Variants in ST6GALNAC3 observed in about 807,000 individuals in gnomAD.
ST6GALNAC3 encodes the protein alpha-N-acetylgalactosaminide alpha-2,6-sialyltransferase 3.
ST6GALNAC3 carries 25 observed loss-of-function variants against 32.7 expected under a neutral mutation model. That is an observed-to-expected ratio of 0.76 (90% CI 0.56 to 1.07). The LOEUF (loss-of-function observed/expected upper bound fraction) is 1.07. Among genes scored for constraint, ST6GALNAC3 ranks in the 50% least tolerant of loss-of-function variants. ST6GALNAC3 has a pLI of 0.00. For synonymous variants in ST6GALNAC3, 129 were observed against 133.1 expected, an observed-to-expected ratio of 0.97 and a Z score of 0.21; for missense variants, 355 against 382.4, an observed-to-expected ratio of 0.93 and a Z score of 0.60.
intron 1 of ST6GALNAC3, among the ~76,000 whole-genome samples, chr1:76,156,857 A>T (rs945280839): frequency 6.6e-6 from 1 of 152,038 alleles, no homozygotes; most frequent in Non-Finnish European, 1.5e-5. Flanking sequence ...TCAGCCTCCC[A>T]AGTAGCTGGG....
chr1:76,247,641 A>G (rs1657348062), intron 1 of ST6GALNAC3, among the ~76,000 whole-genome samples: 1 of 152,142 alleles, frequency 6.6e-6, no homozygotes, highest in African/African-American at 2.4e-5. Flanking sequence ...ACAGCCCACT[A>G]AAGCCTCAGT....
chr1:76,447,479 A>G lies in ST6GALNAC3; in HGVS notation c.623+35062A>G, dbSNP rs374391012. On this transcript the variant is annotated intron_variant, in intron 3 of 4. Transcript: ENST00000328299. ...AAATTGAAGCCCTGCAGAAATTTGCATAAGTAACAAGGAGCTGAATGTTAA... is the reference window on the plus strand; with the variant it reads ...AAATTGAAGCCCTGCAGAAATTTGCGTAAGTAACAAGGAGCTGAATGTTAA... Among the ~76,000 whole-genome samples the G allele has an allele frequency of 8.4e-4, 128 of 152,302 alleles. 1 individual carries two copies. Among genetic ancestry groups the G allele is most frequent in the African/African-American group, 2.9e-3 (122 of 41,568 alleles).
intron 1 of ST6GALNAC3, among the ~76,000 whole-genome samples, chr1:76,262,603 G>A (rs1434469169): frequency 6.6e-6 from 1 of 152,176 alleles, no homozygotes; most frequent in Non-Finnish European, 1.5e-5. Context: ...TGTAGTGAAA[G>A]CTGGAATGGA....
At chr1:76,192,176 A>T (rs1313025105) in intron 1 of ST6GALNAC3, among the ~76,000 whole-genome samples, 3 of 152,328 alleles carry the variant, frequency 2.0e-5, no homozygotes, top group African/African-American at 7.2e-5. Context: ...CTGATATAAA[A>T]TGTGGGACTG....
chr1:76,405,076 G>A (rs1243588430), intron 2 of ST6GALNAC3, among the ~76,000 whole-genome samples: 2 of 152,068 alleles, frequency 1.3e-5, no homozygotes, highest in Non-Finnish European at 2.9e-5. Flanking sequence ...CCAATGTTGT[G>A]TTTCAAATCT....
At chr1:76,374,082 A>C (rs1330249217) in intron 2 of ST6GALNAC3, among the ~76,000 whole-genome samples, 1 of 152,212 alleles carries the variant, frequency 6.6e-6, no homozygotes, top group Admixed American at 6.5e-5. Flanking sequence ...GAAAGCTCAC[A>C]CATTTTGCAG....
chr1:76,261,502 C>T (rs1658233456), intron 1 of ST6GALNAC3, among the ~76,000 whole-genome samples: 1 of 152,228 alleles, frequency 6.6e-6, no homozygotes, highest in African/African-American at 2.4e-5. Flanking sequence ...CCATTCTGGT[C>T]CAAGTCCTGT....
chr1:76,571,208 A>G (rs1665838633), intron 3 of ST6GALNAC3, among the ~76,000 whole-genome samples: 1 of 152,074 alleles, frequency 6.6e-6, no homozygotes, highest in African/African-American at 2.4e-5. Context: ...TCTTCAGTGA[A>G]TTACAAAGAT....
chr1:76,536,325 T>C (rs573102062), intron 3 of ST6GALNAC3, among the ~76,000 whole-genome samples: 60 of 152,198 alleles, frequency 3.9e-4, no homozygotes, highest in African/African-American at 1.4e-3. Flanking sequence ...GGGTAATTTA[T>C]AAAGGAAAGA....
chr1:76,192,603 T>C (rs1351398663), intron 1 of ST6GALNAC3, among the ~76,000 whole-genome samples: 2 of 152,180 alleles, frequency 1.3e-5, no homozygotes, highest in Non-Finnish European at 2.9e-5. Context: ...TTTCAGGGGC[T>C]TGTGTTTTGG....
chr1:76,509,038 A>G lies in ST6GALNAC3; in HGVS notation c.623+96621A>G, dbSNP rs1467035761. ...GGGATGCTTCTAACATGAGTCTAAGAGTTGAACAGCTTGTCATTTTTCAAC... is the reference window on the plus strand; with the variant it reads ...GGGATGCTTCTAACATGAGTCTAAGGGTTGAACAGCTTGTCATTTTTCAAC... On this transcript the variant is annotated intron_variant, in intron 3 of 4. Transcript: ENST00000328299. The surrounding 1 kb of genome is among the most constrained non-coding windows in gnomAD (Gnocchi z 5.5). 2.0e-5 allele frequency among the ~76,000 whole-genome samples: 3 copies of G among 152,196 alleles called. No individual in the cohort carries two copies. The highest frequency in any genetic ancestry group is 4.4e-5 in the Non-Finnish European group (3 of 68,042).
intron 4 of ST6GALNAC3, 148 bp downstream of exon 4, chr1:76,627,707 A>C: frequency 1.4e-6 from 1 of 713,140 alleles, no homozygotes; most frequent in East Asian, 2.6e-5. Flanking sequence ...TTTTATTGTC[A>C]GTGCGTCAAG....
intron 2 of ST6GALNAC3, among the ~76,000 whole-genome samples, chr1:76,345,417 A>G (rs1341671455): frequency 6.6e-6 from 1 of 152,098 alleles, no homozygotes; most frequent in Non-Finnish European, 1.5e-5. Context: ...AGGAGAAAAG[A>G]GAATGAATAA....
chr1:76,325,900 C>G (rs1015359811), intron 2 of ST6GALNAC3, among the ~76,000 whole-genome samples: 1 of 150,868 alleles, frequency 6.6e-6, no homozygotes, highest in African/African-American at 2.4e-5. Flanking sequence ...AGTATTAGAC[C>G]TACTTCTTTT....
chr1:76,524,703 C>T (rs571817811), intron 3 of ST6GALNAC3, among the ~76,000 whole-genome samples: 14 of 146,412 alleles, frequency 9.6e-5, no homozygotes, highest in Non-Finnish European at 1.5e-4. Context: ...GAAATAGAGG[C>T]AAATATTTCA....
intron 3 of ST6GALNAC3, among the ~76,000 whole-genome samples, chr1:76,616,752 A>T (rs2100688318): frequency 6.6e-6 from 1 of 152,220 alleles, no homozygotes; most frequent in Admixed American, 6.5e-5. Context: ...TTAAAAAAAA[A>T]ATTAATAGAT....
intron 1 of ST6GALNAC3, among the ~76,000 whole-genome samples, chr1:76,184,838 T>A (rs7521939): frequency 0.19 from 29,036 of 152,080 alleles, 2,905 homozygotes; most frequent in Non-Finnish European, 0.2. Context: ...GACTGTCTTA[T>A]TTTGAGTTAA....
chr1:76,295,753 T>A (rs1660367042), intron 1 of ST6GALNAC3, among the ~76,000 whole-genome samples: 1 of 152,038 alleles, frequency 6.6e-6, no homozygotes, highest in Admixed American at 6.6e-5. Flanking sequence ...AAAGGAATAG[T>A]GAGCTGTGAA....
chr1:76,206,253 G>A (rs922178703), intron 1 of ST6GALNAC3, among the ~76,000 whole-genome samples: 11 of 152,162 alleles, frequency 7.2e-5, no homozygotes, highest in African/African-American at 2.2e-4. Context: ...TACCTCTTTT[G>A]TTGTCAGCCT....
Sources: allele counts gnomAD v4.1 joint callset (sites outside exome capture counted in the v4.1 genomes callset), GRCh38; gene constraint gnomAD v4.1.1; non-coding constraint Gnocchi (gnomAD v3.1); transcripts MANE v1.5; gene names NCBI Gene and HGNC (gene_info 2026-07-23, HGNC 2026-07-21).